Variants in PCDHGA4 observed in about 807,000 individuals in gnomAD.
PCDHGA4 encodes protocadherin gamma subfamily A, 4, also known as protocadherin gamma-A4.
In PCDHGA4, 38 loss-of-function variants were observed where a neutral mutation model predicts 54.6. The observed-to-expected ratio is 0.70, with a 90% confidence interval of 0.54 to 0.91. The LOEUF (loss-of-function observed/expected upper bound fraction) is 0.91. Ranked by LOEUF, PCDHGA4 falls within the 40% of genes least tolerant of loss-of-function variation. The probability of loss-of-function intolerance (pLI) is 0.00; values close to 1 mark genes in which losing one functional copy is unlikely to be tolerated. For missense variants in PCDHGA4, 1,298 were observed against 1,220.9 expected (o/e 1.06, Z -0.94); for synonymous variants, 511 against 512.9 (o/e 1.00, Z 0.05).
intron 2 of PCDHGA4, among the ~76,000 whole-genome samples, chr5:141,497,540 C>CTT (rs754207034): frequency 2.8e-4 from 38 of 134,912 alleles, no homozygotes; most frequent in African/African-American, 8.9e-4. Context: ...TGCAACAAAC[C>CTT]TTTTTTTTTT....
At chr5:141,391,107 T>C (rs1225302584) in intron 1 of PCDHGA4, 1 of 152,098 alleles carries the variant, frequency 6.6e-6, no homozygotes, top group African/African-American at 2.4e-5. Context: ...CCTAAACTAA[T>C]ATAGCTAGAG....
At chr5:141,403,058 C>A in intron 1 of PCDHGA4, 1 of 1,614,060 alleles carries the variant, frequency 6.2e-7, no homozygotes, top group Non-Finnish European at 8.5e-7. Context: ...CTACTCAGTG[C>A]CTGAAGAGAC....
chr5:141,372,676 C>G (rs370799055), intron 1 of PCDHGA4: 1 of 1,613,898 alleles, frequency 6.2e-7, no homozygotes, highest in African/African-American at 1.3e-5. Context: ...TCACATTCCT[C>G]AAACACCGAG....
intron 1 of PCDHGA4, chr5:141,398,776 G>A: frequency 6.2e-7 from 1 of 1,613,904 alleles, no homozygotes; most frequent in Non-Finnish European, 8.5e-7. Flanking sequence ...TGCCTTGGAC[G>A]GTGGACATCC....
intron 1 of PCDHGA4, chr5:141,361,696 G>T: frequency 6.2e-7 from 1 of 1,613,466 alleles, no homozygotes. Flanking sequence ...GCGCGCCTTC[G>T]ATCATGAGCA....
At position 141,485,443 on chromosome 5, in the gene PCDHGA4, C is replaced by A. The variant is rs2099613637; in HGVS notation, c.2515-9364C>A. 5 of 1,614,054 alleles carry A rather than the reference C, an allele frequency of 3.1e-6. No individual in the cohort carries two copies. The East Asian group carries it at 6.7e-5, about 22-fold the overall frequency. ...GAGCCCTGCTCATCAAGAACCCAAT[C>A]GACCGAGAGGCACTGTGTGGGCTCA... On this transcript the variant is annotated intron_variant, in intron 1 of 3. Coordinates refer to ENST00000571252, the MANE Select transcript of PCDHGA4 (RefSeq NM_018917.4). This position sits in a 1 kb window ranked among gnomAD's most constrained non-coding sequence, Gnocchi z 5.7.
chr5:141,447,181 G>T (rs442221), intron 1 of PCDHGA4, among the ~76,000 whole-genome samples: 1 of 152,338 alleles, frequency 6.6e-6, no homozygotes, highest in Admixed American at 6.5e-5. Context: ...CTCTTGTCGC[G>T]CAGGCTGGAG....
chr5:141,387,209 T>A lies in PCDHGA4; in HGVS notation c.2514+29588T>A, dbSNP rs911946032. Among the ~76,000 whole-genome samples, 3 of 152,170 alleles carry A rather than the reference T, an allele frequency of 2.0e-5. No individual in the cohort carries two copies. In the South Asian group the frequency reaches 6.2e-4, roughly 31 times the overall value. On this transcript the variant is annotated intron_variant, in intron 1 of 3. Coordinates refer to ENST00000571252, the MANE Select transcript of PCDHGA4 (RefSeq NM_018917.4). ...GGCAATTTTGGTATTACTGATACTC[T>A]CCGGAAAAAGTTGAAATAAATCAAC...
chr5:141,370,017 C>T lies in PCDHGA4; in HGVS notation c.2514+12396C>T, dbSNP rs1160186023. Among the ~76,000 whole-genome samples the T allele has an allele frequency of 2.0e-5, 3 of 152,276 alleles. No individual in the cohort carries two copies. In the East Asian group the frequency reaches 5.8e-4, roughly 29 times the overall value. On this transcript the variant is annotated intron_variant, in intron 1 of 3. Transcript: ENST00000571252. Reference sequence around the variant, plus strand: ...AGCTCAAATTAAAAGAAATAACAGACTAAAGATATAGTAAGTATATTTAAT... The same window carrying T: ...AGCTCAAATTAAAAGAAATAACAGATTAAAGATATAGTAAGTATATTTAAT...
Position 141,476,231 on chromosome 5 carries a change from G to A in PCDHGA4, c.2515-18576G>A. The A allele has an allele frequency of 6.2e-7, 1 of 1,614,084 alleles. No individual in the cohort carries two copies. Among genetic ancestry groups the A allele is most frequent in the Non-Finnish European group, 8.5e-7 (1 of 1,180,034 alleles). On this transcript the variant is annotated intron_variant, in intron 1 of 3. Coordinates refer to ENST00000571252, the MANE Select transcript of PCDHGA4 (RefSeq NM_018917.4). The surrounding 1 kb of genome is among the most constrained non-coding windows in gnomAD (Gnocchi z 7.6). ...CACGGTCATTCACTATGAGATCCCG[G>A]AGGAAAGAGAGAAGGGTTTCGCTGT...
chr5:141,366,288 C>A (rs1020562585), intron 1 of PCDHGA4: 2 of 1,613,748 alleles, frequency 1.2e-6, no homozygotes, highest in Non-Finnish European at 1.7e-6. Context: ...GGCCAGCCCC[C>A]TCTGTCAGCC....
rs1372368815 is a variant in PCDHGA4 at position 141,491,370 on chromosome 5, C to T, written c.2515-3437C>T. 3 of 1,614,038 alleles carry T rather than the reference C, an allele frequency of 1.9e-6. No individual in the cohort carries two copies. The highest frequency in any genetic ancestry group is 2.2e-5 in the East Asian group (1 of 44,880). ...GTCTCTTATCCCTAGTCACCTTCAC[C>T]TTTCTGTCAGCGAAGTGCCTTCAGG... On this transcript the variant is annotated intron_variant, in intron 1 of 3. Transcript: ENST00000571252. The surrounding 1 kb of genome is among the most constrained non-coding windows in gnomAD (Gnocchi z 6.9).
chr5:141,411,237 T>C (rs1472710660), intron 1 of PCDHGA4: 1 of 152,116 alleles, frequency 6.6e-6, no homozygotes, highest in Non-Finnish European at 1.5e-5. Flanking sequence ...GAAGACTTAG[T>C]GAATTTACGA....
At chr5:141,374,300 C>A (rs746754972) in intron 1 of PCDHGA4, 38 of 1,613,830 alleles carry the variant, frequency 2.4e-5, no homozygotes, top group Non-Finnish European at 3.1e-5. Flanking sequence ...AGGTAGGATG[C>A]AGCTTTTCTC....
At chr5:141,454,249 C>T (rs1215688507) in intron 1 of PCDHGA4, among the ~76,000 whole-genome samples, 3 of 152,192 alleles carry the variant, frequency 2.0e-5, no homozygotes, top group Non-Finnish European at 4.4e-5. Context: ...ATGAAGATGT[C>T]CCAGAGAAAG....
Position 141,491,763 on chromosome 5 carries a change from T to A in PCDHGA4, c.2515-3044T>A. 1 of 1,570,222 alleles carries A rather than the reference T, an allele frequency of 6.4e-7. No individual in the cohort carries two copies. The highest frequency in any genetic ancestry group is 8.6e-7 in the Non-Finnish European group (1 of 1,159,286). On this transcript the variant is annotated intron_variant, in intron 1 of 3. Transcript: ENST00000571252. This position sits in a 1 kb window ranked among gnomAD's most constrained non-coding sequence, Gnocchi z 6.9. ...GCGGCACTGGAGAAGCCGCCCGTCC[T>A]CATAAGGGATTGAACTTGCATCCAC... is the stretch of plus-strand genomic sequence containing the variant.
chr5:141,370,858 A>C (rs1028921774), intron 1 of PCDHGA4: 9 of 1,613,928 alleles, frequency 5.6e-6, no homozygotes, highest in Admixed American at 1.7e-5. Context: ...TTTGCCCTGG[A>C]ATCTGCGCAA....
At chr5:141,367,766 A>T (rs1166226365) in intron 1 of PCDHGA4, 4 of 152,176 alleles carry the variant, frequency 2.6e-5, no homozygotes, top group Admixed American at 2.0e-4. Context: ...TGCACTCAAT[A>T]AATGTAAATA....
At chr5:141,389,191 T>G in intron 1 of PCDHGA4, 1 of 1,614,050 alleles carries the variant, frequency 6.2e-7, no homozygotes, top group African/African-American at 1.3e-5. Context: ...AGTTCCAGCA[T>G]CACCCTGCAC....
Sources: allele counts gnomAD v4.1 joint callset (sites outside exome capture counted in the v4.1 genomes callset), GRCh38; gene constraint gnomAD v4.1.1; non-coding constraint Gnocchi (gnomAD v3.1); transcripts MANE v1.5; gene names NCBI Gene and HGNC (gene_info 2026-07-23, HGNC 2026-07-21).